The following ZFAT variants were observed in gnomAD, a reference collection of about 807,000 sequenced individuals.
ZFAT encodes the protein zinc finger and AT-hook domain containing.
A neutral mutation model predicts 117.7 loss-of-function variants in ZFAT; 64 were observed. The observed-to-expected ratio is 0.54, with a 90% CI of 0.44 to 0.67. The LOEUF (loss-of-function observed/expected upper bound fraction) is 0.67, where lower values mean the gene tolerates loss of function less well. Ranked by LOEUF, ZFAT falls within the 30% of genes least tolerant of loss-of-function variation. The pLI, the probability that ZFAT is intolerant of heterozygous loss-of-function variation, is 0.00. For missense variants in ZFAT, 1,433 were observed against 1,584.5 expected, an observed-to-expected ratio of 0.90 and a Z score of 1.62; for synonymous variants, 679 against 615.0, an observed-to-expected ratio of 1.10 and a Z score of -1.54.
intron 1 of ZFAT, among the ~76,000 whole-genome samples, chr8:134,663,138 A>T (rs1401087140): frequency 6.6e-6 from 1 of 152,236 alleles, no homozygotes; most frequent in Non-Finnish European, 1.5e-5. Flanking sequence ...TGATCGTCCA[A>T]AACTAGAACT....
intron 11 of ZFAT, among the ~76,000 whole-genome samples, chr8:134,542,082 C>T (rs2130635067): frequency 6.6e-6 from 1 of 152,340 alleles, no homozygotes; most frequent in South Asian, 2.1e-4. Flanking sequence ...ACTTCTCTGA[C>T]CACATTCCTC....
At chr8:134,590,404 G>C in intron 7 of ZFAT, 49 bp from the exon 8 acceptor site, 1 of 1,500,822 alleles carries the variant, frequency 6.7e-7, no homozygotes, top group East Asian at 2.3e-5. Context: ...TTAAATCTGT[G>C]GTCTGTAAAA....
At chr8:134,641,224 T>C (rs970429581) in intron 2 of ZFAT, among the ~76,000 whole-genome samples, 2 of 151,972 alleles carry the variant, frequency 1.3e-5, no homozygotes, top group African/African-American at 4.8e-5. Flanking sequence ...CCTGCACATA[T>C]GCACACACAG....
the ZFAT span, among the ~76,000 whole-genome samples, chr8:134,749,055 T>C: frequency 2.8e-4 from 43 of 152,194 alleles, no homozygotes; most frequent in Admixed American, 1.0e-3. Flanking sequence ...GTTAAAAAAT[T>C]ATATATGTTA....
chr8:134,497,268 G>A (rs78053036), intron 15 of ZFAT, among the ~76,000 whole-genome samples: 2,105 of 152,322 alleles, frequency 0.014, 50 homozygotes, highest in African/African-American at 0.047. Flanking sequence ...CTAAAAGATC[G>A]CCCTGGCTTC....
intron 11 of ZFAT, among the ~76,000 whole-genome samples, chr8:134,557,369 T>G (rs906911670): frequency 6.6e-6 from 1 of 152,316 alleles, no homozygotes; most frequent in South Asian, 2.1e-4. Context: ...ACATGAGGAC[T>G]AAGGTACTGT....
At chr8:134,599,727 C>T (rs1827259676) in intron 7 of ZFAT, 1 of 454,268 alleles carries the variant, frequency 2.2e-6, no homozygotes, top group Non-Finnish European at 4.4e-6. Context: ...AACAGAACCA[C>T]ACCTGGGGCC....
chr8:134,588,022 G>A (rs746868102), intron 9 of ZFAT, among the ~76,000 whole-genome samples: 14 of 152,182 alleles, frequency 9.2e-5, no homozygotes, highest in Non-Finnish European at 1.8e-4. Flanking sequence ...CAATTGCAAT[G>A]AGACCTATGA....
Position 134,478,360 on chromosome 8 carries a change from T to A in ZFAT, c.*122A>T, listed in dbSNP as rs771665238. On this transcript the variant is annotated 3_prime_UTR_variant, in exon 16 of 16. Transcript: ENST00000377838. This position sits in a 1 kb window ranked among gnomAD's most constrained non-coding sequence, Gnocchi z 5.2. ...GACTAGGAGAGTCCTATCAGGCTGC[T>A]GGGCAGGGAGGGCAAAGGAGAGCAC... 7.1e-7 allele frequency: 1 copy of A among 1,417,916 alleles called. No homozygotes were observed. Among genetic ancestry groups the A allele is most frequent in the Non-Finnish European group, 9.3e-7 (1 of 1,070,972 alleles). The allele number at this position is 1,417,916 out of a possible 1,614,324, so 87.8% of individuals were successfully genotyped here.
At chr8:134,496,493 T>C (rs527807873) in intron 15 of ZFAT, among the ~76,000 whole-genome samples, 3 of 152,334 alleles carry the variant, frequency 2.0e-5, no homozygotes, top group Admixed American at 1.3e-4. Flanking sequence ...TGGTAGGGTA[T>C]GCACTGCCAG....
chr8:134,664,952 C>G (rs1832135330), intron 1 of ZFAT, among the ~76,000 whole-genome samples: 1 of 152,214 alleles, frequency 6.6e-6, no homozygotes, highest in Non-Finnish European at 1.5e-5. Context: ...AACTGTTTGC[C>G]AGGCTTTAGC....
chr8:134,818,214 G>A, the ZFAT span, among the ~76,000 whole-genome samples: 11 of 152,084 alleles, frequency 7.2e-5, no homozygotes, highest in African/African-American at 2.7e-4. Flanking sequence ...CCATAGACTG[G>A]AAAAATATTT....
Position 134,478,755 on chromosome 8 carries a change from C to T in ZFAT, c.3493-34G>A, listed in dbSNP as rs371865444. 142 of 1,533,352 alleles carry T rather than the reference C, an allele frequency of 9.3e-5. No homozygotes were observed. The highest frequency in any genetic ancestry group is 9.1e-4 in the South Asian group (76 of 83,734). 95.0% of individuals were successfully genotyped at this position (1,533,352 alleles called of 1,614,324 possible). A position where few individuals can be genotyped will look rare whatever the true frequency, so the allele number is the denominator to read the frequency against. On this transcript the variant is annotated intron_variant, in intron 15 of 15. Transcript: ENST00000377838. This position sits in a 1 kb window ranked among gnomAD's most constrained non-coding sequence, Gnocchi z 5.2. ...GGAGGGCAAGAGAAAGGTCACCCAG[C>T]GCCTACTTCCCGGTCCAGCGTAACA...
intron 11 of ZFAT, among the ~76,000 whole-genome samples, chr8:134,534,706 C>T (rs149979194): frequency 1.8e-3 from 206 of 116,016 alleles, no homozygotes; most frequent in African/African-American, 6.6e-3. Flanking sequence ...AGGAAAGAGA[C>T]GGGGAGAGGG....
chr8:134,598,805 C>T (rs1387485308), intron 7 of ZFAT: 1 of 152,200 alleles, frequency 6.6e-6, no homozygotes, highest in East Asian at 1.9e-4. Flanking sequence ...TGCTCCATGC[C>T]AGGCACTGTT....
chr8:134,666,029 T>C (rs1469927944), intron 1 of ZFAT, among the ~76,000 whole-genome samples: 2 of 152,184 alleles, frequency 1.3e-5, no homozygotes, highest in East Asian at 1.9e-4. Flanking sequence ...AGAGAAGGCC[T>C]AGTACAGAGC....
At chr8:134,506,050 T>C (rs1819378772) in intron 15 of ZFAT, among the ~76,000 whole-genome samples, 1 of 152,246 alleles carries the variant, frequency 6.6e-6, no homozygotes, top group African/African-American at 2.4e-5. Context: ...TGGTGATGAC[T>C]ATTGCTGTTA....
chr8:134,705,785 C>T (rs904694214), intron 1 of ZFAT, among the ~76,000 whole-genome samples: 5 of 151,978 alleles, frequency 3.3e-5, no homozygotes, highest in Admixed American at 6.6e-5. Flanking sequence ...GTGATCCACC[C>T]GCCTTGGCCT....
intron 3 of ZFAT, among the ~76,000 whole-genome samples, chr8:134,624,029 T>A (rs1315939833): frequency 6.6e-6 from 1 of 152,076 alleles, no homozygotes; most frequent in Non-Finnish European, 1.5e-5. Flanking sequence ...AGACCTCCAT[T>A]CATGCGACAT....
Sources: allele counts gnomAD v4.1 joint callset (sites outside exome capture counted in the v4.1 genomes callset), GRCh38; gene constraint gnomAD v4.1.1; non-coding constraint Gnocchi (gnomAD v3.1); transcripts MANE v1.5; gene names NCBI Gene and HGNC (gene_info 2026-07-23, HGNC 2026-07-21).